AHCTF1: variants seen among roughly 807,000 people sequenced by gnomAD.
The protein encoded by AHCTF1 is protein ELYS.
A neutral mutation model predicts 248.4 loss-of-function variants in AHCTF1; 24 were observed. The ratio of observed to expected loss-of-function variants is 0.10; its 90% CI spans 0.07 to 0.14. The LOEUF (loss-of-function observed/expected upper bound fraction) is 0.14. Among genes scored for constraint, AHCTF1 ranks in the 10% least tolerant of loss-of-function variants. AHCTF1 has a pLI of 1.00. For synonymous variants in AHCTF1, 786 were observed against 929.8 expected, an observed-to-expected ratio of 0.85 and a Z score of 2.81; for missense variants, 2,206 against 2,636.2, an observed-to-expected ratio of 0.84 and a Z score of 3.57.
intron 4 of AHCTF1, 79 bp downstream of exon 4, chr1:246,913,153 A>G (rs1163395954): frequency 7.7e-7 from 1 of 1,292,512 alleles, no homozygotes; most frequent in South Asian, 1.8e-5. Flanking sequence ...CTGCTATAAA[A>G]AAATTTGGCT....
intron 21 of AHCTF1, among the ~76,000 whole-genome samples, chr1:246,880,789 A>G (rs987648813): frequency 6.6e-6 from 1 of 152,200 alleles, no homozygotes; most frequent in Non-Finnish European, 1.5e-5. Flanking sequence ...CATTGCCAAC[A>G]TTTAACAAAT....
At chr1:246,907,099 T>C (rs1427113415) in intron 5 of AHCTF1, among the ~76,000 whole-genome samples, 1 of 152,246 alleles carries the variant, frequency 6.6e-6, no homozygotes, top group Non-Finnish European at 1.5e-5. Flanking sequence ...CTAGATGGTA[T>C]AGCCTGTTGC....
intron 32 of AHCTF1, 105 bp from the exon 33 acceptor site, chr1:246,851,547 T>C (rs1660721549): frequency 3.0e-6 from 3 of 989,556 alleles, no homozygotes; most frequent in South Asian, 1.8e-5. Context: ...TTTTAAAACA[T>C]AAATTATATT....
intron 24 of AHCTF1, among the ~76,000 whole-genome samples, chr1:246,871,449 T>A (rs753371292): frequency 4.6e-5 from 7 of 152,194 alleles, no homozygotes; most frequent in Non-Finnish European, 8.8e-5. Flanking sequence ...ATAAAATGTA[T>A]TCTAGTCAAA....
At chr1:246,878,324 G>C (rs1397089093) in intron 21 of AHCTF1, among the ~76,000 whole-genome samples, 2 of 143,050 alleles carry the variant, frequency 1.4e-5, no homozygotes, top group East Asian at 4.2e-4. Context: ...TTGATCCTAG[G>C]AGGTCAAGGC....
At chr1:246,903,317 C>T (rs1665135670) in intron 7 of AHCTF1, among the ~76,000 whole-genome samples, 1 of 152,126 alleles carries the variant, frequency 6.6e-6, no homozygotes, top group Admixed American at 6.5e-5. Context: ...ATAAAAATCA[C>T]CCTATGGCTT....
At chr1:246,886,279 C>T (rs1046383766) in intron 20 of AHCTF1, among the ~76,000 whole-genome samples, 3 of 152,090 alleles carry the variant, frequency 2.0e-5, no homozygotes, top group African/African-American at 7.2e-5. Context: ...TGCAGTGAGA[C>T]AAGATCGTGC....
chr1:246,890,832 T>C (rs1572422567), intron 16 of AHCTF1, 124 bp downstream of exon 16: 1 of 569,050 alleles, frequency 1.8e-6, no homozygotes, highest in Non-Finnish European at 2.8e-6. Context: ...TAAGCATAAA[T>C]TAAATTAAGG....
At chr1:246,931,467 G>C (rs1253886953) in intron 1 of AHCTF1, 111 bp downstream of exon 1, 19 of 1,006,788 alleles carry the variant, frequency 1.9e-5, no homozygotes, top group Non-Finnish European at 2.3e-5. Flanking sequence ...CGGCGCTCGC[G>C]GGGCAGAAGC....
At chr1:246,893,532 T>C (rs1381856694) in intron 14 of AHCTF1, among the ~76,000 whole-genome samples, 3 of 152,222 alleles carry the variant, frequency 2.0e-5, no homozygotes, top group African/African-American at 7.2e-5. Flanking sequence ...AGCCTTATTT[T>C]TGCACTAACT....
chr1:246,918,188 C>A, intron 2 of AHCTF1, 62 bp downstream of exon 2: 1 of 1,442,846 alleles, frequency 6.9e-7, no homozygotes, highest in Non-Finnish European at 9.3e-7. Flanking sequence ...ATAATATATA[C>A]TTATTATTAT....
Position 246,840,955 on chromosome 1 carries a change from T to C in AHCTF1, c.6652A>G (p.Ile2218Val). 1.9e-6 allele frequency: 3 copies of C among 1,612,290 alleles called. No individual in the cohort carries two copies. Among genetic ancestry groups the C allele is most frequent in the Non-Finnish European group, 2.5e-6 (3 of 1,179,446 alleles). Residue 2218 changes from isoleucine (I) to valine (V), a missense_variant, in exon 36 of 36, where the codon ATT becomes GTT. Physicochemically the swap from Ile to Val is conservative, Grantham distance 29. This residue lies in a region of AHCTF1 where 469 missense variants were observed against 470.0 expected (regional missense o/e 1.00). Coordinates refer to ENST00000648844, the MANE Select transcript of AHCTF1 (RefSeq NM_001323342.2). ...ESAWSPPPIE[I>V]RLISPLASPA... ...CTAGCCAAGGGGGAAATCAGCCGAATTTCTATGGGAGGAGGTGACCAAGCA... is the reference window on the plus strand; with the variant it reads ...CTAGCCAAGGGGGAAATCAGCCGAACTTCTATGGGAGGAGGTGACCAAGCA...
intron 26 of AHCTF1, 147 bp from the exon 27 acceptor site, chr1:246,864,263 C>T (rs534963381): frequency 3.8e-6 from 3 of 790,172 alleles, no homozygotes; most frequent in Non-Finnish European, 5.8e-6. Context: ...AAAGTGCTAC[C>T]ATGCATTCAA....
chr1:246,891,444 GTTT>G (rs767729543), intron 15 of AHCTF1, among the ~76,000 whole-genome samples: 24 of 151,998 alleles, frequency 1.6e-4, no homozygotes, highest in Non-Finnish European at 2.9e-4. Flanking sequence ...AAATTGGCTT[GTTT>G]TTGTTTTGAA....
Position 246,907,538 on chromosome 1 carries a change from A to G in AHCTF1, c.764+13T>C, listed in dbSNP as rs1665479774. 1 of 1,608,182 alleles carries G rather than the reference A, an allele frequency of 6.2e-7. No individual in the cohort carries two copies. The highest frequency in any genetic ancestry group is 1.3e-5 in the African/African-American group (1 of 74,602). ...CTACCTATAATCAAATAAGGGAAAA[A>G]AGTTATACTTACTCTCTTTTCATGC... On this transcript the variant is annotated intron_variant, in intron 5 of 35. Coordinates refer to ENST00000648844, the MANE Select transcript of AHCTF1 (RefSeq NM_001323342.2).
chr1:246,887,451 A>T, intron 19 of AHCTF1, 94 bp from the exon 20 acceptor site: 1 of 1,285,034 alleles, frequency 7.8e-7, no homozygotes, highest in Non-Finnish European at 1.1e-6. Flanking sequence ...TAGCATTAAA[A>T]GAGACTTGAA....
intron 33 of AHCTF1, among the ~76,000 whole-genome samples, chr1:246,844,267 T>C (rs185941658): frequency 2.6e-5 from 4 of 152,202 alleles, no homozygotes; most frequent in African/African-American, 9.6e-5. Flanking sequence ...AAAGCATTAA[T>C]CCTATATGTA....
chr1:246,854,570 T>C lies in AHCTF1; in HGVS notation c.4354+1160A>G, dbSNP rs547585109. On this transcript the variant is annotated intron_variant, in intron 31 of 35. Coordinates refer to ENST00000648844, the MANE Select transcript of AHCTF1 (RefSeq NM_001323342.2). The stretch of plus-strand genomic sequence containing the variant: ...CCTGACAGAAAAAATGTCTTAAATA[T>C]ATTACATGAGAAAAGAAAGTTGCTT... Among the ~76,000 whole-genome samples, 25 of 152,166 alleles carry C rather than the reference T, an allele frequency of 1.6e-4. 1 individual carries two copies. Among genetic ancestry groups the C allele is most frequent in the Non-Finnish European group, 3.1e-4 (21 of 68,038 alleles).
At position 246,902,805 on chromosome 1, in the gene AHCTF1, T is replaced by C. The variant is rs796546047; in HGVS notation, c.967-130A>G. ...AACAATTTAGACTGAAGAGAACCAA[T>C]CATGGAAAAAGGCTCTAAAATTTTA... is the stretch of plus-strand genomic sequence containing the variant. On this transcript the variant is annotated intron_variant, in intron 7 of 35. Coordinates refer to ENST00000648844, the MANE Select transcript of AHCTF1 (RefSeq NM_001323342.2). The C allele has an allele frequency of 2.8e-5, 25 of 881,544 alleles. 1 individual carries two copies. The African/African-American group carries it at 4.2e-4, about 15-fold the overall frequency. 54.6% of individuals were successfully genotyped at this position (881,544 alleles called of 1,614,324 possible).
Sources: allele counts gnomAD v4.1 joint callset (sites outside exome capture counted in the v4.1 genomes callset), GRCh38; gene constraint gnomAD v4.1.1; regional missense constraint gnomAD v4.1.1; transcripts MANE v1.5; gene names NCBI Gene and HGNC (gene_info 2026-07-23, HGNC 2026-07-21).